The following WDPCP variants were observed in gnomAD, a reference collection of about 807,000 sequenced individuals.
WDPCP encodes the protein WD repeat-containing and planar cell polarity effector protein fritz homolog.
WDPCP carries 71 observed loss-of-function variants against 93.1 expected under a neutral mutation model. The ratio of observed to expected loss-of-function variants is 0.76; its 90% CI spans 0.63 to 0.93. WDPCP has a LOEUF of 0.93. WDPCP is among the 40% of genes least tolerant of loss of function. WDPCP has a pLI of 0.00. For missense variants in WDPCP, 844 were observed against 887.4 expected, an observed-to-expected ratio of 0.95 and a Z score of 0.62; for synonymous variants, 315 against 315.0, an observed-to-expected ratio of 1.00 and a Z score of 0.00.
intron 9 of WDPCP, among the ~76,000 whole-genome samples, chr2:63,408,561 C>T (rs992807914): frequency 6.6e-6 from 1 of 152,096 alleles, no homozygotes; most frequent in East Asian, 1.9e-4. Context: ...TGTAACAATT[C>T]GAACAGGACA....
intron 1 of WDPCP, among the ~76,000 whole-genome samples, chr2:63,817,363 C>T (rs747701232): frequency 1.3e-5 from 2 of 152,168 alleles, no homozygotes; most frequent in Non-Finnish European, 2.9e-5. Context: ...CTGTCTTGGC[C>T]TCCCAAAGTG....
intron 2 of WDPCP, among the ~76,000 whole-genome samples, chr2:63,781,289 A>G (rs540904169): frequency 1.3e-5 from 2 of 152,288 alleles, no homozygotes; most frequent in East Asian, 1.9e-4. Flanking sequence ...TGACTGGTAT[A>G]TATTTGCCAT....
chr2:63,134,674 A>C (rs987090119), intron 17 of WDPCP, among the ~76,000 whole-genome samples: 16 of 152,252 alleles, frequency 1.1e-4, no homozygotes, highest in Admixed American at 1.3e-4. Context: ...TTCATTTATT[A>C]GTGACCTCTG....
At chr2:63,525,996 T>C (rs1172084126) in intron 1 of WDPCP, among the ~76,000 whole-genome samples, 1 of 152,232 alleles carries the variant, frequency 6.6e-6, no homozygotes, top group African/African-American at 2.4e-5. Context: ...GCTTACCTTA[T>C]GTATGTACGG....
chr2:63,628,634 G>C (rs1709834444), intron 3 of WDPCP, among the ~76,000 whole-genome samples: 1 of 152,190 alleles, frequency 6.6e-6, no homozygotes, highest in Non-Finnish European at 1.5e-5. Flanking sequence ...ATACCATCTG[G>C]TTTAGGAGGC....
chr2:63,434,805 T>A (rs1413680138), intron 8 of WDPCP, among the ~76,000 whole-genome samples: 1 of 152,144 alleles, frequency 6.6e-6, no homozygotes, highest in Non-Finnish European at 1.5e-5. Flanking sequence ...TCTCACTACA[T>A]GACAGATTGC....
At chr2:63,377,967 T>C (rs1231153129) in intron 12 of WDPCP, 7 of 170,612 alleles carry the variant, frequency 4.1e-5, no homozygotes, top group Admixed American at 4.0e-4. Flanking sequence ...TGCCACATTA[T>C]ATAAGCAGAC....
intron 12 of WDPCP, among the ~76,000 whole-genome samples, chr2:63,317,577 A>G (rs1266701530): frequency 6.6e-6 from 1 of 152,098 alleles, no homozygotes; most frequent in Middle Eastern, 3.2e-3. Context: ...TAAACCAATA[A>G]AACAGATTAG....
At chr2:63,284,962 C>T (rs1189984403) in intron 13 of WDPCP, among the ~76,000 whole-genome samples, 1 of 151,358 alleles carries the variant, frequency 6.6e-6, no homozygotes, top group Non-Finnish European at 1.5e-5. Flanking sequence ...AGCTAATAAA[C>T]CAAAATAGAA....
At chr2:63,231,133 C>T (rs1054082844) in intron 14 of WDPCP, among the ~76,000 whole-genome samples, 8 of 151,820 alleles carry the variant, frequency 5.3e-5, no homozygotes, top group African/African-American at 1.7e-4. Context: ...ATAAACAGAA[C>T]CAAAGACAAA....
At chr2:63,208,020 T>A (rs1195990941) in intron 14 of WDPCP, among the ~76,000 whole-genome samples, 1 of 152,196 alleles carries the variant, frequency 6.6e-6, no homozygotes, top group African/African-American at 2.4e-5. Flanking sequence ...TGTTCATTTC[T>A]AACATGATTT....
intron 14 of WDPCP, among the ~76,000 whole-genome samples, chr2:63,245,385 A>C (rs531074357): frequency 6.2e-4 from 94 of 152,306 alleles, no homozygotes; most frequent in African/African-American, 2.0e-3. Context: ...GAAAAAGAAG[A>C]AGCATTTATA....
intron 1 of WDPCP, among the ~76,000 whole-genome samples, chr2:63,517,394 A>G (rs1702623843): frequency 6.6e-6 from 1 of 152,156 alleles, no homozygotes. Flanking sequence ...TGTCTCTTGT[A>G]CATAATCTCC....
At chr2:63,497,903 A>T (rs1701327566) in intron 1 of WDPCP, among the ~76,000 whole-genome samples, 1 of 152,178 alleles carries the variant, frequency 6.6e-6, no homozygotes, top group Non-Finnish European at 1.5e-5. Flanking sequence ...GCGGGCAGGG[A>T]TTAAAAAGGT....
At chr2:63,521,396 G>A (rs1702921100) in intron 1 of WDPCP, among the ~76,000 whole-genome samples, 1 of 152,088 alleles carries the variant, frequency 6.6e-6, no homozygotes, top group South Asian at 2.1e-4. Flanking sequence ...GAAGAAAGCA[G>A]GGGGTTGCTA....
chr2:63,230,507 G>C (rs189856085), intron 14 of WDPCP, among the ~76,000 whole-genome samples: 4 of 152,156 alleles, frequency 2.6e-5, no homozygotes, highest in African/African-American at 9.6e-5. Flanking sequence ...TTGAGGAATC[G>C]CCACACTGTC....
intron 13 of WDPCP, among the ~76,000 whole-genome samples, chr2:63,308,252 G>A (rs1290810017): frequency 6.6e-6 from 1 of 152,180 alleles, no homozygotes. Flanking sequence ...AACAGATGCT[G>A]GAGAGGATGT....
chr2:63,632,491 A>G (rs1275289541), intron 3 of WDPCP, among the ~76,000 whole-genome samples: 1 of 152,216 alleles, frequency 6.6e-6, no homozygotes, highest in Non-Finnish European at 1.5e-5. Context: ...AAAACAATAT[A>G]CGAGCAAAAC....
At chr2:63,698,539 A>G (rs1668994129) in intron 2 of WDPCP, among the ~76,000 whole-genome samples, 1 of 152,220 alleles carries the variant, frequency 6.6e-6, no homozygotes, top group African/African-American at 2.4e-5. Flanking sequence ...CTGTTGGCAC[A>G]GACTGAGGCT....
Sources: gnomAD v4.1 joint callset for allele counts (sites outside exome capture counted in the v4.1 genomes callset) on GRCh38, gnomAD v4.1.1 for gene constraint, MANE v1.5 for transcripts, NCBI Gene and HGNC (gene_info 2026-07-23, HGNC 2026-07-21) for gene names.